Variants in CASK observed in about 807,000 individuals in gnomAD.
CASK encodes the protein calcium/calmodulin dependent serine protein kinase.
Under a neutral mutation model 82.9 loss-of-function variants are expected in CASK, and 4 were observed. The observed-to-expected ratio is 0.05, with a 90% confidence interval of 0.02 to 0.11. The LOEUF is 0.11. Ranked by LOEUF, CASK falls within the 10% of genes least tolerant of loss-of-function variation. The pLI is 1.00. For synonymous variants in CASK, 259 were observed against 253.5 expected (o/e 1.02, Z -0.20); for missense variants, 358 against 720.9 (o/e 0.50, Z 5.76).
At chrX:41,660,028 T>A in intron 8 of CASK, 4 of 147,738 alleles carry the variant, frequency 2.7e-5, no homozygotes, top group East Asian at 1.8e-4. Flanking sequence ...GCCGTTTTCC[T>A]AAGACAGAAA....
chrX:41,853,584 T>C (rs1451628597), intron 1 of CASK, among the ~76,000 whole-genome samples: 1 of 111,731 alleles, frequency 9.0e-6, no homozygotes, highest in Admixed American at 9.5e-5. Context: ...AAGTCCATAG[T>C]AATGGTGGTA....
intron 5 of CASK, among the ~76,000 whole-genome samples, chrX:41,689,451 T>A (rs906159140): frequency 1.8e-5 from 2 of 112,104 alleles, no homozygotes; most frequent in African/African-American, 6.5e-5. Flanking sequence ...TTATAAATTA[T>A]AACTTATTGA....
chrX:41,900,890 C>T (rs975750564), intron 1 of CASK, among the ~76,000 whole-genome samples: 1 of 108,313 alleles, frequency 9.2e-6, no homozygotes, highest in African/African-American at 3.4e-5. Context: ...GGATTACAGG[C>T]GCATGCCATG....
At chrX:41,742,068 T>C (rs927877530) in intron 4 of CASK, among the ~76,000 whole-genome samples, 2 of 111,886 alleles carry the variant, frequency 1.8e-5, no homozygotes, top group African/African-American at 6.5e-5. Context: ...AGCCTAATGC[T>C]ATTTGCTAGG....
chrX:41,727,903 A>T, intron 5 of CASK: 1 of 1,204,379 alleles, frequency 8.3e-7, no homozygotes, highest in East Asian at 3.0e-5. Context: ...AACAAAAAAC[A>T]TTCTCACCTG....
At chrX:41,743,991 T>A (rs1355581609) in intron 4 of CASK, among the ~76,000 whole-genome samples, 1 of 109,106 alleles carries the variant, frequency 9.2e-6, no homozygotes, top group Non-Finnish European at 1.9e-5. Context: ...CATCCTGTAA[T>A]CCCAGCTACT....
intron 2 of CASK, among the ~76,000 whole-genome samples, chrX:41,844,733 C>T (rs1324884262): frequency 3.6e-5 from 4 of 111,225 alleles, no homozygotes; most frequent in African/African-American, 1.3e-4. Context: ...TTATTTCTGC[C>T]TGTCAAGTTT....
chrX:41,814,905 T>C (rs865786260), intron 2 of CASK, among the ~76,000 whole-genome samples: 3 of 111,055 alleles, frequency 2.7e-5, no homozygotes, highest in East Asian at 5.6e-4. Context: ...CAGTAAAAGA[T>C]TGTGATTCCT....
rs1013039858 is a variant in CASK, at chrX:41,579,796, G to T, written c.1315-1268C>A. Among the ~76,000 whole-genome samples, 7 of 111,060 alleles carry T rather than the reference G, an allele frequency of 6.3e-5. 1 individual carries two copies. The highest frequency in any genetic ancestry group is 9.8e-5 in the African/African-American group (3 of 30,481). ...AAAGGCTTAAAAAAGTCATGACTTG[G>T]CTATTTAATTTTAAAGGCATGCATA... On this transcript the variant is annotated intron_variant, in intron 14 of 26. Transcript: ENST00000378163.
At chrX:41,654,096 A>C (rs1161922423) in intron 8 of CASK, among the ~76,000 whole-genome samples, 1 of 112,020 alleles carries the variant, frequency 8.9e-6, no homozygotes, top group Admixed American at 9.4e-5. Context: ...ATATTCACTC[A>C]CTGAATACAT....
At chrX:41,610,428 C>G (rs181951750) in intron 11 of CASK, among the ~76,000 whole-genome samples, 2 of 111,882 alleles carry the variant, frequency 1.8e-5, no homozygotes, top group East Asian at 5.6e-4. Flanking sequence ...TGCATTCCAT[C>G]AAGAACTGAA....
At chrX:41,851,268 G>A (rs1036343981) in intron 2 of CASK, among the ~76,000 whole-genome samples, 1 of 111,666 alleles carries the variant, frequency 9.0e-6, no homozygotes, top group Non-Finnish European at 1.9e-5. Flanking sequence ...TAGAATGGGT[G>A]GCTTTGTCTT....
chrX:41,650,657 T>C (rs2066851412), intron 8 of CASK, among the ~76,000 whole-genome samples: 1 of 109,201 alleles, frequency 9.2e-6, no homozygotes, highest in Admixed American at 9.8e-5. Context: ...TCCTCCCACC[T>C]TACTCTAATT....
chrX:41,861,261 C>T (rs1376647454), intron 1 of CASK, among the ~76,000 whole-genome samples: 2 of 110,675 alleles, frequency 1.8e-5, no homozygotes, highest in African/African-American at 3.3e-5. Context: ...TGCGTGTGTG[C>T]GTGTGCATGC....
intron 1 of CASK, among the ~76,000 whole-genome samples, chrX:41,904,751 C>T: frequency 9.0e-6 from 1 of 111,478 alleles, no homozygotes; most frequent in East Asian, 2.8e-4. Flanking sequence ...TAATGCTCCA[C>T]CCTCAAGTAG....
chrX:41,542,994 T>C (rs1045706096), intron 21 of CASK, among the ~76,000 whole-genome samples, 188 bp from the exon 22 acceptor site: 3 of 112,210 alleles, frequency 2.7e-5, no homozygotes, highest in African/African-American at 9.7e-5. Flanking sequence ...TTTTAAAATA[T>C]AGGCTTATAT....
At chrX:41,830,251 C>T (rs1265811860) in intron 2 of CASK, among the ~76,000 whole-genome samples, 3 of 110,118 alleles carry the variant, frequency 2.7e-5, no homozygotes, top group East Asian at 5.8e-4. Flanking sequence ...CCTCCTGCCT[C>T]GGCCTCCCAA....
In CASK at chrX:41,648,082, G is replaced by A. The variant is rs928589095; in HGVS notation, c.832-11421C>T. Among the ~76,000 whole-genome samples the A allele has an allele frequency of 5.4e-5, 6 of 111,973 alleles. No homozygotes were observed. The South Asian group carries it at 1.1e-3, about 21-fold the overall frequency. ...TTTCTCTTCTTTCAAAAGCAAATGG[G>A]AGAAATATCGCTGAATTCTTTTTCT... On this transcript the variant is annotated intron_variant, in intron 8 of 26. Transcript: ENST00000378163.
chrX:41,812,565 A>C (rs1471905855), intron 2 of CASK, among the ~76,000 whole-genome samples: 1 of 110,647 alleles, frequency 9.0e-6, no homozygotes, highest in South Asian at 3.8e-4. Flanking sequence ...AACTCTCAAT[A>C]AATTAGGTAT....
Sources: allele counts gnomAD v4.1 joint callset (sites outside exome capture counted in the v4.1 genomes callset), GRCh38; gene constraint gnomAD v4.1.1; transcripts MANE v1.5; gene names NCBI Gene and HGNC (gene_info 2026-07-23, HGNC 2026-07-21).